IRX3: variants seen among roughly 807,000 people sequenced by gnomAD.
IRX3 encodes the protein iroquois homeobox 3.
In IRX3, 20 loss-of-function variants were observed where a neutral mutation model predicts 36.4. That is an observed-to-expected ratio of 0.55 (90% CI 0.39 to 0.80). IRX3 has a LOEUF of 0.80. Ranked by LOEUF, IRX3 falls within the 30% of genes least tolerant of loss-of-function variation. The pLI, the probability that IRX3 is intolerant of heterozygous loss-of-function variation, is 0.00. For synonymous variants in IRX3, 404 were observed against 351.6 expected (o/e 1.15, Z -1.67); for missense variants, 718 against 733.2 (o/e 0.98, Z 0.24).
Position 54,285,509 on chromosome 16 carries a change from C to G in IRX3, c.372G>C (p.Gln124His), listed in dbSNP as rs1901306137. 2 of 1,614,014 alleles carry G rather than the reference C, an allele frequency of 1.2e-6. No homozygotes were observed. Among genetic ancestry groups the G allele is most frequent in the Non-Finnish European group, 1.7e-6 (2 of 1,179,968 alleles). ...HPAFYPYGQY[Q>H]FGDPSRPKNA... ...TCTTGGGACGGGACGGGTCCCCGAACTGGTACTGGCCATACGGGTAGAAGG... is the reference window on the plus strand; with the variant it reads ...TCTTGGGACGGGACGGGTCCCCGAAGTGGTACTGGCCATACGGGTAGAAGG... Residue 124 changes from glutamine to histidine, a missense_variant, in exon 2 of 4, where the codon CAG (glutamine) becomes CAC (histidine). Gln to His is a conservative substitution (Grantham distance 24). Transcript: ENST00000329734. This position sits in a 1 kb window ranked among gnomAD's most constrained non-coding sequence, Gnocchi z 5.7.
Position 54,285,300 on chromosome 16 carries a change from G to C in IRX3, c.581C>G (p.Ala194Gly). Residue 194 changes from alanine to glycine, a missense_variant, in exon 2 of 4, where the codon GCG becomes GGG. Physicochemically the swap from Ala to Gly is moderately conservative, Grantham distance 60. Transcript: ENST00000329734. The surrounding 1 kb of genome is among the most constrained non-coding windows in gnomAD (Gnocchi z 5.7). ...CTCCTCGTCAGTGCGGCTGCGAGGC[G>C]CCCAAGTCATCTTATTCTCCTTCTT... ...RLKKENKMTW[A>G]PRSRTDEEGN... 1 of 1,614,094 alleles carries C rather than the reference G, an allele frequency of 6.2e-7. No homozygotes were observed. The highest frequency in any genetic ancestry group is 8.5e-7 in the Non-Finnish European group (1 of 1,180,022).
At position 54,284,067 on chromosome 16, in the gene IRX3, G is replaced by T; in HGVS notation, c.1451+179C>A. 1 of 1,202,702 alleles carries T rather than the reference G, an allele frequency of 8.3e-7. No individual in the cohort carries two copies. The highest frequency in any genetic ancestry group is 1.1e-6 in the Non-Finnish European group (1 of 884,546). The allele number at this position is 1,202,702 out of a possible 1,614,324, so 74.5% of individuals were successfully genotyped here. A position where few individuals can be genotyped will look rare whatever the true frequency, so the allele number is the denominator to read the frequency against. On this transcript the variant is annotated intron_variant, in intron 3 of 3. Transcript: ENST00000329734. The surrounding 1 kb of genome is among the most constrained non-coding windows in gnomAD (Gnocchi z 4.0). ...CGCCTGGGGTGCCTGGGCTGGACCTGGAGAGCTGTCGCAGGGCCGACAGGG... is the reference window on the plus strand; with the variant it reads ...CGCCTGGGGTGCCTGGGCTGGACCTTGAGAGCTGTCGCAGGGCCGACAGGG...
chr16:54,286,434 C>T lies in IRX3; in HGVS notation c.-384G>A, dbSNP rs1029713604. On this transcript the variant is annotated 5_prime_UTR_variant, in exon 1 of 4. Transcript: ENST00000329734. ...CAGCAGTGTCGCGCCTCGCTTCCTT[C>T]GCCCTCCTCTAGTTTTCACTCCCCC... 62 of 976,238 alleles carry T rather than the reference C, an allele frequency of 6.4e-5. No homozygotes were observed. The African/African-American group carries it at 1.1e-3, about 17-fold the overall frequency. The allele number at this position is 976,238 out of a possible 1,614,324, so 60.5% of individuals were successfully genotyped here. A position where few individuals can be genotyped will look rare whatever the true frequency, so the allele number is the denominator to read the frequency against.
Position 54,284,263 on chromosome 16 carries a change from G to A in IRX3, c.1434C>T (p.Phe478=), listed in dbSNP as rs1477684246. The A allele has an allele frequency of 6.2e-7, 1 of 1,612,692 alleles. No homozygotes were observed. The highest frequency in any genetic ancestry group is 8.5e-7 in the Non-Finnish European group (1 of 1,179,314). Residue 478 remains phenylalanine, a synonymous_variant, in exon 3 of 4, where the codon TTC becomes TTT. Coordinates refer to ENST00000329734, the MANE Select transcript of IRX3 (RefSeq NM_024336.3). This position sits in a 1 kb window ranked among gnomAD's most constrained non-coding sequence, Gnocchi z 4.0. ...EVEKKLLKTA[F]QPVPRRPQNH... ...TTTCTTACCGCCTGGGCACGGGCTG[G>A]AAAGCTGTCTTGAGTAACTTTTTCT...
chr16:54,283,764 C>G lies in IRX3; in HGVS notation c.1452-24G>C. ...GCCTGGAAGAGAGAGACAGTAGTAG[C>G]AAAAGAGGTGAGATTCAGGAGCGCA... On this transcript the variant is annotated intron_variant, in intron 3 of 3. Coordinates refer to ENST00000329734, the MANE Select transcript of IRX3 (RefSeq NM_024336.3). This position sits in a 1 kb window ranked among gnomAD's most constrained non-coding sequence, Gnocchi z 4.4. The G allele has an allele frequency of 1.2e-6, 2 of 1,611,854 alleles. No homozygotes were observed. The highest frequency in any genetic ancestry group is 1.3e-5 in the African/African-American group (1 of 74,900).
Position 54,284,025 on chromosome 16 carries a change from G to T in IRX3, c.1451+221C>A. Reference sequence around the variant, plus strand: ...AAGGCTTCCCCTAGAAGGTACAAGCGCTGTACCCTCCGGCCGCGCCTGGGG... The same window carrying T: ...AAGGCTTCCCCTAGAAGGTACAAGCTCTGTACCCTCCGGCCGCGCCTGGGG... On this transcript the variant is annotated intron_variant, in intron 3 of 3. Coordinates refer to ENST00000329734, the MANE Select transcript of IRX3 (RefSeq NM_024336.3). The surrounding 1 kb of genome is among the most constrained non-coding windows in gnomAD (Gnocchi z 4.0). The T allele has an allele frequency of 7.2e-7, 1 of 1,387,136 alleles. No individual in the cohort carries two copies. Among genetic ancestry groups the T allele is most frequent in the Non-Finnish European group, 9.5e-7 (1 of 1,055,438 alleles). The allele number at this position is 1,387,136 out of a possible 1,614,324, so 85.9% of individuals were successfully genotyped here.
Position 54,284,863 on chromosome 16 carries a change from G to T in IRX3, c.1018C>A (p.Pro340Thr). The change falls in exon 2 of 4, where the codon CCC (proline) becomes ACC (threonine). Residue 340 changes from proline (P) to threonine (T), a missense_variant. Around this residue, in one of 3 missense-constraint regions of IRX3, gnomAD observed 468 missense variants for 462.1 expected, o/e 1.01. Coordinates refer to ENST00000329734, the MANE Select transcript of IRX3 (RefSeq NM_024336.3). This position sits in a 1 kb window ranked among gnomAD's most constrained non-coding sequence, Gnocchi z 4.0. ...TTGGGCTTCTGCAGGGCGGAGGCGG[G>T]GGCTGGTGCGGGAGCGCAGGGGTCC... is the stretch of plus-strand genomic sequence containing the variant. ...SLDPCAPAPA[P>T]ASALQKPKIW... The T allele has an allele frequency of 6.5e-7, 1 of 1,545,932 alleles. No individual in the cohort carries two copies. The highest frequency in any genetic ancestry group is 2.3e-5 in the East Asian group (1 of 43,176).
chr16:54,284,669 C>T lies in IRX3; in HGVS notation c.1212G>A (p.Lys404=). 7.2e-7 allele frequency: 1 copy of T among 1,397,210 alleles called. No individual in the cohort carries two copies. Among genetic ancestry groups the T allele is most frequent in the East Asian group, 3.0e-5 (1 of 33,710 alleles). The allele number at this position is 1,397,210 out of a possible 1,614,324, so 86.6% of individuals were successfully genotyped here. Residue 404 remains lysine (K), a synonymous_variant, in exon 2 of 4, where the codon AAG becomes AAA. Coordinates refer to ENST00000329734, the MANE Select transcript of IRX3 (RefSeq NM_024336.3). This position sits in a 1 kb window ranked among gnomAD's most constrained non-coding sequence, Gnocchi z 4.0. ...AHRLVSAPLG[K]FPAWTNRPFP... is the part of the protein sequence containing the mutation. ...ACGGCCGGTTGGTCCAAGCCGGGAA[C>T]TTGCCCAGCGGCGCTGAGACCAGTC...
chr16:54,286,497 T>A lies in IRX3; in HGVS notation c.-447A>T. On this transcript the variant is annotated 5_prime_UTR_variant, in exon 1 of 4. Transcript: ENST00000329734. ...CTCTCCCCTCCCCTCTCCGCACTCC[T>A]CTTCCCCCCAGGATCGCTTCCGCTG... 1.6e-6 allele frequency: 1 copy of A among 621,628 alleles called. No individual in the cohort carries two copies. The highest frequency in any genetic ancestry group is 2.0e-6 in the Non-Finnish European group (1 of 499,532). The allele number at this position is 621,628 out of a possible 1,614,324, so 38.5% of individuals were successfully genotyped here.
Position 54,284,785 on chromosome 16 carries a change from G to T in IRX3, c.1096C>A (p.Pro366Thr). ...ATSPDNPRRS[P>T]PGAGGSPPGA... ...GGTGGAGACCCCCCCGCGCCGGGAG[G>T]CGAGCGGCGCGGGTTGTCCGGGCTT... The change falls in exon 2 of 4, where the codon CCT becomes ACT. Residue 366 changes from proline (P) to threonine (T), a missense_variant. Around this residue, in one of 3 missense-constraint regions of IRX3, gnomAD observed 468 missense variants for 462.1 expected, o/e 1.01. Coordinates refer to ENST00000329734, the MANE Select transcript of IRX3 (RefSeq NM_024336.3). This position sits in a 1 kb window ranked among gnomAD's most constrained non-coding sequence, Gnocchi z 4.0. The T allele has an allele frequency of 6.8e-7, 1 of 1,464,462 alleles. No individual in the cohort carries two copies. The highest frequency in any genetic ancestry group is 2.1e-4 in the Middle Eastern group (1 of 4,822). The allele number at this position is 1,464,462 out of a possible 1,614,324, so 90.7% of individuals were successfully genotyped here.
At position 54,283,978 on chromosome 16, in the gene IRX3, G is replaced by A. The variant is rs1488605170; in HGVS notation, c.1452-238C>T. ...GTCAGAGAACCGCCACCCGCCCCAGGGGCCTGTGGGCCCAGCCACGCAAGG... is the reference window on the plus strand; with the variant it reads ...GTCAGAGAACCGCCACCCGCCCCAGAGGCCTGTGGGCCCAGCCACGCAAGG... On this transcript the variant is annotated intron_variant, in intron 3 of 3. Coordinates refer to ENST00000329734, the MANE Select transcript of IRX3 (RefSeq NM_024336.3). The surrounding 1 kb of genome is among the most constrained non-coding windows in gnomAD (Gnocchi z 4.4). 5 of 1,437,500 alleles carry A rather than the reference G, an allele frequency of 3.5e-6. No homozygotes were observed. Among genetic ancestry groups the A allele is most frequent in the Non-Finnish European group, 9.1e-7 (1 of 1,100,310 alleles). 89.0% of individuals were successfully genotyped at this position (1,437,500 alleles called of 1,614,324 possible). A position where few individuals can be genotyped will look rare whatever the true frequency, so the allele number is the denominator to read the frequency against.
At position 54,286,226 on chromosome 16, in the gene IRX3, G is replaced by A; in HGVS notation, c.-176C>T. On this transcript the variant is annotated 5_prime_UTR_variant, in exon 1 of 4. Transcript: ENST00000329734. The stretch of plus-strand genomic sequence containing the variant: ...GATCTGCTCCGCGGCGGCGACGGCG[G>A]CGGCGAGGGCGGCGGCGAGGAGCCA... 9.9e-7 allele frequency: 1 copy of A among 1,011,546 alleles called. No individual in the cohort carries two copies. The highest frequency in any genetic ancestry group is 4.5e-5 in the South Asian group (1 of 22,102). The allele number at this position is 1,011,546 out of a possible 1,614,324, so 62.7% of individuals were successfully genotyped here.
Position 54,285,557 on chromosome 16 carries a change from G to T in IRX3, c.324C>A (p.Ala108=), listed in dbSNP as rs745463132. The change falls in exon 2 of 4, where the codon GCC becomes GCA. Residue 108 remains alanine (A), a synonymous_variant. Transcript: ENST00000329734. The surrounding 1 kb of genome is among the most constrained non-coding windows in gnomAD (Gnocchi z 5.7). ...AGGCGGGGTGCGGGTGCGGAAACGCGGCAGCCGCGGCCGGATGCTGCACCC... is the reference window on the plus strand; with the variant it reads ...AGGCGGGGTGCGGGTGCGGAAACGCTGCAGCCGCGGCCGGATGCTGCACCC... ...SPGVQHPAAA[A]AFPHPHPAFY... 1.3e-6 allele frequency: 2 copies of T among 1,596,984 alleles called. No individual in the cohort carries two copies.
In IRX3 at chr16:54,283,665, T is replaced by C; in HGVS notation, c.*21A>G. On this transcript the variant is annotated 3_prime_UTR_variant, in exon 4 of 4. Coordinates refer to ENST00000329734, the MANE Select transcript of IRX3 (RefSeq NM_024336.3). This position sits in a 1 kb window ranked among gnomAD's most constrained non-coding sequence, Gnocchi z 4.4. ...AACGATTAAAAAAAGTTTTTTTTGTTTTTTTGTTTTTTTTAAAGAACTAGG... is the reference window on the plus strand; with the variant it reads ...AACGATTAAAAAAAGTTTTTTTTGTCTTTTTGTTTTTTTTAAAGAACTAGG... 4 of 1,177,628 alleles carry C rather than the reference T, an allele frequency of 3.4e-6. No homozygotes were observed. Among genetic ancestry groups the C allele is most frequent in the Non-Finnish European group, 5.0e-6 (4 of 796,600 alleles). The allele number at this position is 1,177,628 out of a possible 1,614,324, so 72.9% of individuals were successfully genotyped here. A position where few individuals can be genotyped will look rare whatever the true frequency, so the allele number is the denominator to read the frequency against.
At position 54,285,844 on chromosome 16, in the gene IRX3, GGCGGCGGCC is replaced by G; in HGVS notation, c.198_206del (p.Ala68_Ala70del). 2 of 1,553,422 alleles carry G rather than the reference GGCGGCGGCC, an allele frequency of 1.3e-6. No individual in the cohort carries two copies. Among genetic ancestry groups the G allele is most frequent in the East Asian group, 2.4e-5 (1 of 41,278 alleles). ...GCAGGAAGGCGCCGTAGCCTTGGGC[GGCGGCGGCC>G]GCAGCGGCCGCGGCGTAGGGCGCCC... On this transcript the variant is annotated inframe_deletion, in exon 1 of 4. Coordinates refer to ENST00000329734, the MANE Select transcript of IRX3 (RefSeq NM_024336.3). This position sits in a 1 kb window ranked among gnomAD's most constrained non-coding sequence, Gnocchi z 5.7.
chr16:54,286,364 G>A lies in IRX3; in HGVS notation c.-314C>T, dbSNP rs1901342645. 1 of 987,538 alleles carries A rather than the reference G, an allele frequency of 1.0e-6. No individual in the cohort carries two copies. The highest frequency in any genetic ancestry group is 1.2e-6 in the Non-Finnish European group (1 of 831,540). The allele number at this position is 987,538 out of a possible 1,614,324, so 61.2% of individuals were successfully genotyped here. ...CCGCGCTCCCTCCTCTCGGCCGCCGGAGCTGCCTCTGCCCGCTCCTCGCTC... is the reference window on the plus strand; with the variant it reads ...CCGCGCTCCCTCCTCTCGGCCGCCGAAGCTGCCTCTGCCCGCTCCTCGCTC... On this transcript the variant is annotated 5_prime_UTR_variant, in exon 1 of 4. Coordinates refer to ENST00000329734, the MANE Select transcript of IRX3 (RefSeq NM_024336.3).
Position 54,284,795 on chromosome 16 carries a change from C to T in IRX3, c.1086G>A (p.Pro362=). ...LAETATSPDN[P]RRSPPGAGGS... is the part of the protein sequence containing the mutation. ...CCCCCGCGCCGGGAGGCGAGCGGCG[C>T]GGGTTGTCCGGGCTTGTGGCAGTCT... The change falls in exon 2 of 4, where the codon CCG becomes CCA. Residue 362 remains proline (P), a synonymous_variant. Coordinates refer to ENST00000329734, the MANE Select transcript of IRX3 (RefSeq NM_024336.3). This position sits in a 1 kb window ranked among gnomAD's most constrained non-coding sequence, Gnocchi z 4.0. The T allele has an allele frequency of 6.8e-7, 1 of 1,469,448 alleles. No individual in the cohort carries two copies. Among genetic ancestry groups the T allele is most frequent in the Non-Finnish European group, 8.9e-7 (1 of 1,121,440 alleles). The allele number at this position is 1,469,448 out of a possible 1,614,324, so 91.0% of individuals were successfully genotyped here.
In IRX3 at chr16:54,285,883, C is replaced by T; in HGVS notation, c.168G>A (p.Val56=). 1.3e-6 allele frequency: 2 copies of T among 1,538,994 alleles called. No homozygotes were observed. Among genetic ancestry groups the T allele is most frequent in the Non-Finnish European group, 1.7e-6 (2 of 1,143,694 alleles). Residue 56 remains valine, a synonymous_variant, in exon 1 of 4, where the codon GTG becomes GTA. Transcript: ENST00000329734. The surrounding 1 kb of genome is among the most constrained non-coding windows in gnomAD (Gnocchi z 5.7). ...CGGCCGCGGCGTAGGGCGCCCCGTA[C>T]ACGGACGAGAGCACGTTGGACAGGG... ...SGSLSNVLSS[V]YGAPYAAAAA...
Position 54,284,633 on chromosome 16 carries a change from T to C in IRX3, c.1248A>G (p.Pro416=), listed in dbSNP as rs528174408. The change falls in exon 2 of 4, where the codon CCA becomes CCG. Residue 416 remains proline (P), a synonymous_variant. Transcript: ENST00000329734. This position sits in a 1 kb window ranked among gnomAD's most constrained non-coding sequence, Gnocchi z 4.0. ...PAWTNRPFPG[P]PPGPRLHPLS... ...GCGGGTGCAGGCGGGGGCCGGGCGG[T>C]GGGCCTGGAAACGGCCGGTTGGTCC... The C allele has an allele frequency of 5.4e-4, 738 of 1,371,966 alleles. 9 individuals carry two copies. The African/African-American group carries it at 9.6e-3, about 18-fold the overall frequency. 85.0% of individuals were successfully genotyped at this position (1,371,966 alleles called of 1,614,324 possible).
Sources: gnomAD v4.1 joint callset for allele counts on GRCh38, gnomAD v4.1.1 for gene constraint, gnomAD v4.1.1 regional missense constraint, Gnocchi (gnomAD v3.1) non-coding constraint, MANE v1.5 for transcripts, NCBI Gene and HGNC (gene_info 2026-07-23, HGNC 2026-07-21) for gene names.